The following TRHDE variants were observed in gnomAD, a reference collection of about 807,000 sequenced individuals.
The protein encoded by TRHDE is thyrotropin-releasing hormone-degrading ectoenzyme.
Under a neutral mutation model 125.7 loss-of-function variants are expected in TRHDE, and 72 were observed. The observed-to-expected ratio is 0.57, with a 90% CI of 0.47 to 0.70. TRHDE has a LOEUF of 0.70. TRHDE is among the 30% of genes least tolerant of loss of function. TRHDE has a pLI of 0.00. For missense variants in TRHDE, 1,110 were observed against 1,327.1 expected, an observed-to-expected ratio of 0.84 and a Z score of 2.54; for synonymous variants, 509 against 509.1, an observed-to-expected ratio of 1.00 and a Z score of 0.00.
intron 2 of TRHDE, among the ~76,000 whole-genome samples, chr12:72,250,326 G>T (rs1878652994): frequency 6.6e-6 from 1 of 152,106 alleles, no homozygotes; most frequent in Non-Finnish European, 1.5e-5. Context: ...AGATGAGAGA[G>T]GTCATTAAAG....
At chr12:72,633,800 ATT>A (rs1213961398) in intron 15 of TRHDE, among the ~76,000 whole-genome samples, 2 of 152,110 alleles carry the variant, frequency 1.3e-5, no homozygotes, top group Non-Finnish European at 2.9e-5. Context: ...ATAAAAGTGT[ATT>A]TTATTATAAT....
chr12:72,661,112 T>G (rs964452068), intron 18 of TRHDE, among the ~76,000 whole-genome samples: 1 of 152,202 alleles, frequency 6.6e-6, no homozygotes, highest in Non-Finnish European at 1.5e-5. Flanking sequence ...GAGTATTTAC[T>G]GCACTTAAAT....
chr12:72,575,959 C>A (rs963043951), intron 12 of TRHDE, among the ~76,000 whole-genome samples: 2 of 152,080 alleles, frequency 1.3e-5, no homozygotes, highest in African/African-American at 2.4e-5. Flanking sequence ...GCTTATGCTG[C>A]AAAACAGAAT....
At chr12:72,573,237 G>C (rs1321590796) in intron 10 of TRHDE, among the ~76,000 whole-genome samples, 3 of 151,868 alleles carry the variant, frequency 2.0e-5, no homozygotes, top group African/African-American at 7.2e-5. Context: ...TCTCTGTTTT[G>C]AGGTTATTTT....
chr12:72,574,975 A>G (rs898987715), intron 10 of TRHDE, among the ~76,000 whole-genome samples: 1 of 152,136 alleles, frequency 6.6e-6, no homozygotes, highest in African/African-American at 2.4e-5. Flanking sequence ...GGTTACAGTT[A>G]CTTTGAGAAA....
At chr12:72,096,172 CT>C (rs1420721522) in intron 1 of TRHDE, among the ~76,000 whole-genome samples, 1 of 149,748 alleles carries the variant, frequency 6.7e-6, no homozygotes, top group East Asian at 2.0e-4. Context: ...CACACATATC[CT>C]ATTGGTTGTA....
At chr12:72,479,943 GAGA>G (rs1291912514) in intron 5 of TRHDE, among the ~76,000 whole-genome samples, 2 of 151,806 alleles carry the variant, frequency 1.3e-5, no homozygotes, top group Non-Finnish European at 2.9e-5. Context: ...GTAGTTTACT[GAGA>G]ATGATGATTT....
At chr12:72,644,661 A>G (rs1874206821) in intron 15 of TRHDE, among the ~76,000 whole-genome samples, 1 of 152,220 alleles carries the variant, frequency 6.6e-6, no homozygotes, top group African/African-American at 2.4e-5. Context: ...TTGGACTAAT[A>G]AGTGTCATAG....
Position 72,571,937 on chromosome 12 carries a change from GGCTTCCTTT to G in TRHDE, c.2131+3289_2131+3297del, listed in dbSNP as rs1175271608. 2.7e-5 allele frequency among the ~76,000 whole-genome samples: 4 copies of G among 145,610 alleles called. No individual in the cohort carries two copies. In the East Asian group the frequency reaches 8.2e-4, roughly 30 times the overall value. On this transcript the variant is annotated intron_variant, in intron 10 of 18. Coordinates refer to ENST00000261180, the MANE Select transcript of TRHDE (RefSeq NM_013381.3). ...CGTAAAGAGGTGGCTTTAGAAAGTT[GGCTTCCTTT>G]GCTTCCTACCGTTCCCCTGACTCTG... is the stretch of plus-strand genomic sequence containing the variant.
At chr12:72,129,859 T>C (rs905411955) in intron 2 of TRHDE, among the ~76,000 whole-genome samples, 1 of 152,202 alleles carries the variant, frequency 6.6e-6, no homozygotes, top group East Asian at 1.9e-4. Context: ...TAGATACTAT[T>C]TGCAATAAAA....
chr12:72,402,226 G>T (rs559529357), intron 3 of TRHDE, among the ~76,000 whole-genome samples: 3 of 151,714 alleles, frequency 2.0e-5, no homozygotes, highest in African/African-American at 4.9e-5. Flanking sequence ...ATTGTTTTGG[G>T]TCACACATGA....
chr12:72,660,585 A>T (rs1874878346), intron 18 of TRHDE, among the ~76,000 whole-genome samples: 1 of 152,056 alleles, frequency 6.6e-6, no homozygotes, highest in African/African-American at 2.4e-5. Context: ...CTGACCCTAT[A>T]CTCGCCGGTT....
chr12:72,652,929 G>T, intron 16 of TRHDE, 87 bp from the exon 17 acceptor site: 1 of 1,111,940 alleles, frequency 9.0e-7, no homozygotes, highest in South Asian at 1.7e-5. Flanking sequence ...TGAAGAATAT[G>T]ACAAACTAGG....
chr12:72,396,956 T>G (rs1872818301), intron 3 of TRHDE, among the ~76,000 whole-genome samples: 1 of 152,194 alleles, frequency 6.6e-6, no homozygotes, highest in Non-Finnish European at 1.5e-5. Flanking sequence ...TTGATCTTAT[T>G]CAGTACTGTG....
At chr12:72,618,445 CTTTAA>C (rs1010047493) in intron 12 of TRHDE, among the ~76,000 whole-genome samples, 1 of 152,168 alleles carries the variant, frequency 6.6e-6, no homozygotes, top group African/African-American at 2.4e-5. Context: ...CAAATTGACA[CTTTAA>C]TTTGTTGATC....
intron 5 of TRHDE, among the ~76,000 whole-genome samples, chr12:72,476,031 C>T (rs932611962): frequency 3.9e-5 from 6 of 152,074 alleles, no homozygotes; most frequent in Non-Finnish European, 8.8e-5. Context: ...ATCCTCATGC[C>T]TCAGCCTCCC....
At chr12:72,526,231 A>G (rs1021876409) in intron 6 of TRHDE, among the ~76,000 whole-genome samples, 2 of 152,150 alleles carry the variant, frequency 1.3e-5, no homozygotes, top group Admixed American at 6.6e-5. Flanking sequence ...TATCATGTCC[A>G]TTCTGAACAG....
At chr12:72,520,090 T>G (rs1165636133) in intron 6 of TRHDE, among the ~76,000 whole-genome samples, 4 of 152,184 alleles carry the variant, frequency 2.6e-5, no homozygotes, top group Non-Finnish European at 4.4e-5. Flanking sequence ...ACTGCTGTCT[T>G]TTTGTTTGTC....
chr12:72,260,782 G>A (rs975148369), intron 2 of TRHDE, among the ~76,000 whole-genome samples: 3 of 152,116 alleles, frequency 2.0e-5, no homozygotes, highest in Non-Finnish European at 2.9e-5. Context: ...TCGTTCATTC[G>A]AAATACGCGT....
Sources: gnomAD v4.1 joint callset for allele counts (sites outside exome capture counted in the v4.1 genomes callset) on GRCh38, gnomAD v4.1.1 for gene constraint, MANE v1.5 for transcripts, NCBI Gene and HGNC (gene_info 2026-07-23, HGNC 2026-07-21) for gene names.